Variants in P3H2 observed in about 807,000 individuals in gnomAD.
P3H2 encodes the protein prolyl 3-hydroxylase 2.
In P3H2, 80 loss-of-function variants were observed where a neutral mutation model predicts 87.0. The observed-to-expected ratio is 0.92, with a 90% CI of 0.77 to 1.11. The LOEUF is 1.11. Ranked by LOEUF, P3H2 falls within the 50% of genes least tolerant of loss-of-function variation. The probability of loss-of-function intolerance (pLI) is 0.00; values close to 1 mark genes in which losing one functional copy is unlikely to be tolerated. For missense variants in P3H2, 1,001 were observed against 923.9 expected (o/e 1.08, Z -1.08); for synonymous variants, 367 against 359.3 (o/e 1.02, Z -0.24).
At chr3:190,033,019 T>A (rs1719623) in intron 1 of P3H2, among the ~76,000 whole-genome samples, 1 of 152,114 alleles carries the variant, frequency 6.6e-6, no homozygotes. Flanking sequence ...TCCCATCTAG[T>A]GGTGATGGGA....
At chr3:190,102,151 C>T (rs1577324836) in intron 1 of P3H2, among the ~76,000 whole-genome samples, 1 of 152,138 alleles carries the variant, frequency 6.6e-6, no homozygotes, top group Admixed American at 6.6e-5. Flanking sequence ...CTGATGGAGG[C>T]GAACAAAGAG....
At position 190,120,355 on chromosome 3, in the gene P3H2, T is replaced by A. The variant is rs564380677; in HGVS notation, c.377A>T (p.Gln126Leu). ...RARCYRSCET[Q>L]RLGGPASRHR... ...GCGGGATGCGGGGCCCCCGAGGCGC[T>A]GGGTCTCACAGCTGCGATAACAGCG... Residue 126 changes from glutamine (Q) to leucine (L), a missense_variant, in exon 1 of 15, where the codon CAG becomes CTG. By Grantham distance (113) the Gln-to-Leu change is moderately radical (BLOSUM62 -2). Transcript: ENST00000319332. The A allele has an allele frequency of 4.3e-5, 67 of 1,571,062 alleles. No homozygotes were observed. In the South Asian group the frequency reaches 7.7e-4, roughly 18 times the overall value.
At chr3:190,058,546 G>C (rs1021299930) in intron 1 of P3H2, among the ~76,000 whole-genome samples, 3 of 152,148 alleles carry the variant, frequency 2.0e-5, no homozygotes, top group African/African-American at 7.2e-5. Flanking sequence ...ATGGGAGTGA[G>C]TAGATGTCCA....
In P3H2 at chr3:189,972,972, A is replaced by G. The variant is rs780686120; in HGVS notation, c.1601T>C (p.Ile534Thr). 6.2e-7 allele frequency: 1 copy of G among 1,613,896 alleles called. No homozygotes were observed. The highest frequency in any genetic ancestry group is 8.5e-7 in the Non-Finnish European group (1 of 1,179,900). The change falls in exon 11 of 15, where the codon ATC becomes ACC. Residue 534 changes from isoleucine (I) to threonine (T), a missense_variant. By Grantham distance (89) the Ile-to-Thr change is moderately conservative. Coordinates refer to ENST00000319332, the MANE Select transcript of P3H2 (RefSeq NM_018192.4). Reference sequence around the variant, plus strand: ...TACAATCCTTCGAGCCTTTTCGCTGATGTCATAAAACAGACGAGCGCTCTT... The same window carrying G: ...TACAATCCTTCGAGCCTTTTCGCTGGTGTCATAAAACAGACGAGCGCTCTT... ...PLKSARLFYD[I>T]SEKARRIVES...
At chr3:190,112,944 AG>A (rs1435528971) in intron 1 of P3H2, among the ~76,000 whole-genome samples, 1 of 152,232 alleles carries the variant, frequency 6.6e-6, no homozygotes, top group Non-Finnish European at 1.5e-5. Context: ...AAAAAAAGAC[AG>A]GAGGAATTAT....
intron 1 of P3H2, among the ~76,000 whole-genome samples, chr3:190,084,220 C>G (rs1440870456): frequency 1.3e-5 from 2 of 152,168 alleles, no homozygotes; most frequent in East Asian, 1.9e-4. Flanking sequence ...TCTCACCATT[C>G]ACTTCCTTTA....
At chr3:190,106,181 C>A (rs1333719634) in intron 1 of P3H2, among the ~76,000 whole-genome samples, 5 of 152,034 alleles carry the variant, frequency 3.3e-5, no homozygotes, top group Admixed American at 1.3e-4. Context: ...AAGAAGAGGA[C>A]ACAATCTCAA....
At chr3:189,963,097 C>T (rs533462308) in intron 14 of P3H2, among the ~76,000 whole-genome samples, 1 of 152,236 alleles carries the variant, frequency 6.6e-6, no homozygotes, top group Admixed American at 6.5e-5. Context: ...AAAGTTATTC[C>T]TTGTGTGGAG....
intron 9 of P3H2, 129 bp downstream of exon 9, chr3:189,974,429 A>C (rs529916451): frequency 2.4e-6 from 3 of 1,261,928 alleles, no homozygotes; most frequent in East Asian, 5.0e-5. Context: ...AAAATAATTT[A>C]TGTCTTTCTC....
At chr3:190,026,867 C>T (rs1725101186) in intron 1 of P3H2, among the ~76,000 whole-genome samples, 1 of 151,970 alleles carries the variant, frequency 6.6e-6, no homozygotes. Flanking sequence ...GTCTGGTTTC[C>T]CAATCTGCGA....
chr3:190,062,030 T>C (rs1726346713), intron 1 of P3H2, among the ~76,000 whole-genome samples: 1 of 152,122 alleles, frequency 6.6e-6, no homozygotes, highest in African/African-American at 2.4e-5. Context: ...CTCCATGATA[T>C]GCTAACTTAC....
intron 10 of P3H2, 185 bp from the exon 11 acceptor site, chr3:189,973,209 A>G: frequency 1.7e-6 from 1 of 595,840 alleles, no homozygotes. Context: ...CTTCCCAATA[A>G]CAGATGGAAA....
chr3:190,121,468 C>T (rs1272943886), upstream of P3H2: 3 of 152,156 alleles, frequency 2.0e-5, no homozygotes, highest in Non-Finnish European at 2.9e-5. Flanking sequence ...TGGCAAAGGA[C>T]GGACCCAACC....
intron 7 of P3H2, 96 bp from the exon 8 acceptor site, chr3:189,983,236 T>G: frequency 1.1e-6 from 1 of 908,624 alleles, no homozygotes; most frequent in Non-Finnish European, 1.8e-6. Context: ...GACTCTATAT[T>G]GTGTATTTTA....
intron 8 of P3H2, among the ~76,000 whole-genome samples, chr3:189,981,391 C>A (rs1279796597): frequency 6.6e-6 from 1 of 152,192 alleles, no homozygotes; most frequent in Non-Finnish European, 1.5e-5. Flanking sequence ...CAGTTGCTAT[C>A]CACTGGAGAA....
chr3:190,117,171 C>T (rs745960071), intron 1 of P3H2, among the ~76,000 whole-genome samples: 10 of 152,204 alleles, frequency 6.6e-5, no homozygotes, highest in Non-Finnish European at 1.3e-4. Flanking sequence ...AAATATGTGA[C>T]ACTGAGCAAA....
intron 12 of P3H2, chr3:189,971,502 C>A: frequency 3.6e-6 from 1 of 280,326 alleles, no homozygotes; most frequent in Non-Finnish European, 6.9e-6. Flanking sequence ...CATAGTTCTT[C>A]TTGGGTATGA....
At chr3:190,117,364 T>C (rs1712330758) in intron 1 of P3H2, among the ~76,000 whole-genome samples, 1 of 152,194 alleles carries the variant, frequency 6.6e-6, no homozygotes, top group African/African-American at 2.4e-5. Context: ...CAGTAACATC[T>C]CCTGAGAGCT....
At chr3:190,120,904 C>G (rs1024375084), upstream of P3H2, 2 of 1,046,706 alleles carry the variant, frequency 1.9e-6, no homozygotes, top group Middle Eastern at 3.2e-4. Flanking sequence ...AGGCGGAGGC[C>G]GTGCCTGGCC....
Sources: allele counts gnomAD v4.1 joint callset (sites outside exome capture counted in the v4.1 genomes callset), GRCh38; gene constraint gnomAD v4.1.1; transcripts MANE v1.5; gene names NCBI Gene and HGNC (gene_info 2026-07-23, HGNC 2026-07-21).